Variants in SACS observed in about 807,000 individuals in gnomAD.
SACS encodes sacsin.
SACS carries 197 observed loss-of-function variants against 348.0 expected under a neutral mutation model. The ratio of observed to expected loss-of-function variants is 0.57; its 90% CI spans 0.50 to 0.64. The LOEUF is 0.64. SACS is among the 30% of genes least tolerant of loss of function. The probability of loss-of-function intolerance (pLI) is 0.00; values close to 1 mark genes in which losing one functional copy is unlikely to be tolerated. For missense variants in SACS, 4,999 were observed against 5,360.8 expected (o/e 0.93, Z 2.11); for synonymous variants, 1,985 against 1,910.6 (o/e 1.04, Z -1.02).
chr13:23,329,365 T>C lies in SACS; in HGVS notation c.*771A>G, dbSNP rs1566052897. 2 of 710,382 alleles carry C rather than the reference T, an allele frequency of 2.8e-6. No homozygotes were observed. Among genetic ancestry groups the C allele is most frequent in the African/African-American group, 1.8e-5 (1 of 55,866 alleles). 44.0% of individuals were successfully genotyped at this position (710,382 alleles called of 1,614,324 possible). A position where few individuals can be genotyped will look rare whatever the true frequency, so the allele number is the denominator to read the frequency against. Reference sequence around the variant, plus strand: ...TATGTACACACAAACATAAAGCAAGTGTTCTAACAGTTAATAAATGTTGTC... The same window carrying C: ...TATGTACACACAAACATAAAGCAAGCGTTCTAACAGTTAATAAATGTTGTC... On this transcript the variant is annotated 3_prime_UTR_variant, in exon 10 of 10. Transcript: ENST00000382292.
intron 2 of SACS, among the ~76,000 whole-genome samples, chr13:23,401,672 A>T (rs1872983121): frequency 1.3e-5 from 2 of 152,242 alleles, no homozygotes; most frequent in Admixed American, 1.3e-4. Context: ...ATAAACTTTC[A>T]TTAGCTCTTT....
Position 23,340,180 on chromosome 13 carries a change from A to T in SACS, c.3696T>A (p.Val1232=). ...SAVLKHFKIV[V]DWYSSKTFSD... ...TAAAGGTTTTTGAAGAATACCAATCAACAACAATTTTAAAGTGTTTTAAGA... is the reference window on the plus strand; with the variant it reads ...TAAAGGTTTTTGAAGAATACCAATCTACAACAATTTTAAAGTGTTTTAAGA... Residue 1232 remains valine (V), a synonymous_variant, in exon 10 of 10, where the codon GTT becomes GTA. Transcript: ENST00000382292. The T allele has an allele frequency of 6.2e-7, 1 of 1,613,082 alleles. No homozygotes were observed. The highest frequency in any genetic ancestry group is 8.5e-7 in the Non-Finnish European group (1 of 1,179,432).
At position 23,425,490 on chromosome 13, in the gene SACS, G is replaced by A. The variant is rs547559739; in HGVS notation, c.-502+8125C>T. ...CAGTGTCCACCTAGAGTCCAGTGTC[G>A]TTTGGGGCCTGATGTCGTGCTGGGG... On this transcript the variant is annotated intron_variant, in intron 1 of 9. Transcript: ENST00000382292. Among the ~76,000 whole-genome samples the A allele has an allele frequency of 3.3e-5, 5 of 152,104 alleles. No individual in the cohort carries two copies. The East Asian group carries it at 7.8e-4, about 24-fold the overall frequency.
Position 23,329,566 on chromosome 13 carries a change from ACT to A in SACS, c.*568_*569del, listed in dbSNP as rs1437999921. ...GCACTCTAAAAAGTACTACCTTCAC[ACT>A]CTTAGTCAAGTAATAGGATTAAAAT... On this transcript the variant is annotated 3_prime_UTR_variant, in exon 10 of 10. Transcript: ENST00000382292. The A allele has an allele frequency of 8.1e-6, 5 of 619,690 alleles. 1 individual carries two copies. The highest frequency in any genetic ancestry group is 6.2e-5 in the South Asian group (3 of 48,422). 38.4% of individuals were successfully genotyped at this position (619,690 alleles called of 1,614,324 possible). A position where few individuals can be genotyped will look rare whatever the true frequency, so the allele number is the denominator to read the frequency against.
chr13:23,387,393 C>T (rs1315815589), intron 2 of SACS, among the ~76,000 whole-genome samples: 5 of 137,938 alleles, frequency 3.6e-5, no homozygotes, highest in African/African-American at 1.1e-4. Flanking sequence ...ACCCGGGAGG[C>T]GGAGCTTGCA....
chr13:23,338,317 C>G lies in SACS; in HGVS notation c.5559G>C (p.Leu1853=). The change falls in exon 10 of 10, where the codon CTG becomes CTC. Residue 1853 remains leucine, a synonymous_variant. Coordinates refer to ENST00000382292, the MANE Select transcript of SACS (RefSeq NM_014363.6). The stretch of plus-strand genomic sequence containing the variant: ...TCCACTTCTGGTCCTGGATTTCTGA[C>G]AGCTGAACTCCTACTGCCCCACATG... ...LVPCGAVGVQ[L]SEIQDQKWTV... 2 of 1,614,160 alleles carry G rather than the reference C, an allele frequency of 1.2e-6. No individual in the cohort carries two copies. Among genetic ancestry groups the G allele is most frequent in the Non-Finnish European group, 1.7e-6 (2 of 1,180,020 alleles).
rs879791008 is a variant in SACS at position 23,393,847 on chromosome 13, G to A, written c.20+17373C>T. Among the ~76,000 whole-genome samples, 6 of 152,004 alleles carry A rather than the reference G, an allele frequency of 3.9e-5. 1 individual carries two copies. Among genetic ancestry groups the A allele is most frequent in the Admixed American group, 2.0e-4 (3 of 15,262 alleles). On this transcript the variant is annotated intron_variant, in intron 2 of 9. Transcript: ENST00000382292. ...ACGATCTCGGCTCACTGCAAGCTCC[G>A]CCTCCTGGGTTCACACCATTCTCCT...
chr13:23,330,133 T>C lies in SACS; in HGVS notation c.*3A>G, dbSNP rs996651119. 1.2e-6 allele frequency: 2 copies of C among 1,612,944 alleles called. No homozygotes were observed. Among genetic ancestry groups the C allele is most frequent in the Non-Finnish European group, 8.5e-7 (1 of 1,179,066 alleles). On this transcript the variant is annotated 3_prime_UTR_variant, in exon 10 of 10. Transcript: ENST00000382292. ...GATCTACCTTTTTTTTCGTTAAATA[T>C]CTTCACACTTTTTGTTGCATAAAAT...
intron 2 of SACS, among the ~76,000 whole-genome samples, chr13:23,399,860 C>T (rs1872883252): frequency 2.0e-5 from 3 of 152,086 alleles, no homozygotes; most frequent in Non-Finnish European, 4.4e-5. Context: ...TCCCCTCCTA[C>T]CAGAGAGCTT....
intron 8 of SACS, 69 bp from the exon 9 acceptor site, chr13:23,353,945 CAT>C (rs1257671517): frequency 1.0e-6 from 1 of 954,440 alleles, no homozygotes; most frequent in African/African-American, 1.6e-5. Flanking sequence ...AAAACAATCA[CAT>C]ATTTTCAAGT....
rs940741662 is a variant in SACS, at chr13:23,329,645, C to T, written c.*491G>A. On this transcript the variant is annotated 3_prime_UTR_variant, in exon 10 of 10. Transcript: ENST00000382292. ...GTACAACATAAAATTACAACAAATT[C>T]ATGATCAGAGCCAGCTGATGAGAAA... 3 of 535,548 alleles carry T rather than the reference C, an allele frequency of 5.6e-6. No individual in the cohort carries two copies. The South Asian group carries it at 8.9e-5, about 16-fold the overall frequency. 33.2% of individuals were successfully genotyped at this position (535,548 alleles called of 1,614,324 possible).
At chr13:23,376,191 G>A (rs972893309) in intron 2 of SACS, among the ~76,000 whole-genome samples, 1 of 152,140 alleles carries the variant, frequency 6.6e-6, no homozygotes, top group African/African-American at 2.4e-5. Context: ...ATATTATATT[G>A]TTGGTAGCCT....
chr13:23,372,659 C>T (rs568409909), intron 3 of SACS, among the ~76,000 whole-genome samples: 1 of 152,290 alleles, frequency 6.6e-6, no homozygotes, highest in South Asian at 2.1e-4. Flanking sequence ...GCTATGCTGC[C>T]TTATGTCTCA....
In SACS at chr13:23,335,683, G is replaced by A; in HGVS notation, c.8193C>T (p.Arg2731=). 6.2e-7 allele frequency: 1 copy of A among 1,613,960 alleles called. No homozygotes were observed. ...ACATTAGAAGTTCTGCCCCATCTGA[G>A]CGCAGTTTGTCCAAAAGATTCTGGA... ...RMVQNLLDKL[R]SDGAELLMFL... The change falls in exon 10 of 10, where the codon CGC becomes CGT. Residue 2731 remains arginine (R), a synonymous_variant. Transcript: ENST00000382292. The surrounding 1 kb of genome is among the most constrained non-coding windows in gnomAD (Gnocchi z 4.7).
At position 23,362,250 on chromosome 13, in the gene SACS, C is replaced by T. The variant is rs567511357; in HGVS notation, c.457+2916G>A. On this transcript the variant is annotated intron_variant, in intron 6 of 9. Transcript: ENST00000382292. Reference sequence around the variant, plus strand: ...GAGGGACTCTCCGTGCTTCCTTCCCCTGTGTCTTATAATCAGCTGTATCCT... The same window carrying T: ...GAGGGACTCTCCGTGCTTCCTTCCCTTGTGTCTTATAATCAGCTGTATCCT... Among the ~76,000 whole-genome samples the T allele has an allele frequency of 1.2e-3, 177 of 152,282 alleles. 1 individual carries two copies. The highest frequency in any genetic ancestry group is 2.0e-3 in the Non-Finnish European group (137 of 68,020).
intron 9 of SACS, among the ~76,000 whole-genome samples, chr13:23,352,758 C>CA (rs1205599679): frequency 2.0e-5 from 3 of 152,064 alleles, no homozygotes; most frequent in African/African-American, 7.2e-5. Flanking sequence ...ATGAGTAACT[C>CA]AGACGTTTGA....
At position 23,332,898 on chromosome 13, in the gene SACS, G is replaced by A. The variant is rs771260573; in HGVS notation, c.10978C>T (p.Pro3660Ser). ...GGATGAAATCTAATGAATTCCGCGG[G>A]GGCCCGCTCAGGACATAAGAATGGT... ...LIPFLCPERA[P>S]AEFIRFHPQY... Residue 3660 changes from proline to serine, a missense_variant, in exon 10 of 10, where the codon CCC (proline) becomes TCC (serine). By Grantham distance (74) the Pro-to-Ser change is moderately conservative (BLOSUM62 -1). Coordinates refer to ENST00000382292, the MANE Select transcript of SACS (RefSeq NM_014363.6). The A allele has an allele frequency of 5.6e-6, 9 of 1,613,852 alleles. No individual in the cohort carries two copies. The highest frequency in any genetic ancestry group is 7.6e-6 in the Non-Finnish European group (9 of 1,179,922).
At chr13:23,341,796 T>TC in intron 9 of SACS, 106 bp from the exon 10 acceptor site, 1 of 1,062,146 alleles carries the variant, frequency 9.4e-7, no homozygotes. Context: ...TTTTTTTTTT[T>TC]TTTTTTTTTT....
In SACS at chr13:23,375,230, G is replaced by A. The variant is rs932552006; in HGVS notation, c.60C>T (p.Cys20=). Residue 20 remains cysteine (C), a synonymous_variant, in exon 3 of 10, where the codon TGC becomes TGT. Transcript: ENST00000382292. ...PVTVLPGCVG[C]RTVAALASWT... ...AGGACGCCAGCGCCGCGACGGTCCTGCAGCCCACGCAGCCGGGGAGCACGG... is the reference window on the plus strand; with the variant it reads ...AGGACGCCAGCGCCGCGACGGTCCTACAGCCCACGCAGCCGGGGAGCACGG... 2.0e-6 allele frequency: 3 copies of A among 1,487,402 alleles called. No individual in the cohort carries two copies. Among genetic ancestry groups the A allele is most frequent in the East Asian group, 3.0e-5 (1 of 33,484 alleles). 92.1% of individuals were successfully genotyped at this position (1,487,402 alleles called of 1,614,324 possible).
Sources: gnomAD v4.1 joint callset for allele counts (sites outside exome capture counted in the v4.1 genomes callset) on GRCh38, gnomAD v4.1.1 for gene constraint, Gnocchi (gnomAD v3.1) non-coding constraint, MANE v1.5 for transcripts, NCBI Gene and HGNC (gene_info 2026-07-23, HGNC 2026-07-21) for gene names.